XKR9: variants seen among roughly 807,000 people sequenced by gnomAD.
The protein encoded by XKR9 is XK-related protein 9.
In XKR9, 32 loss-of-function variants were observed where a neutral mutation model predicts 32.0. The observed-to-expected ratio is 1.00, with a 90% CI of 0.76 to 1.34. The LOEUF (loss-of-function observed/expected upper bound fraction) is 1.34. Among genes scored for constraint, XKR9 ranks in the 40% most tolerant of loss-of-function variants. The pLI, the probability that XKR9 is intolerant of heterozygous loss-of-function variation, is 0.00. For missense variants in XKR9, 546 were observed against 429.7 expected (o/e 1.27, Z -2.39); for synonymous variants, 168 against 143.4 (o/e 1.17, Z -1.22).
intron 2 of XKR9, among the ~76,000 whole-genome samples, chr8:70,748,821 A>C (rs975432718): frequency 1.3e-5 from 2 of 152,112 alleles, no homozygotes; most frequent in South Asian, 4.1e-4. Flanking sequence ...TGGACCAATC[A>C]GCATGCACTT....
chr8:70,977,056 G>A, the XKR9 span, among the ~76,000 whole-genome samples: 1 of 152,110 alleles, frequency 6.6e-6, no homozygotes, highest in African/African-American at 2.4e-5. Context: ...TGTGCGATTG[G>A]TTGTGAGAAC....
At chr8:70,832,893 T>G in the XKR9 span, among the ~76,000 whole-genome samples, 1 of 152,120 alleles carries the variant, frequency 6.6e-6, no homozygotes, top group Non-Finnish European at 1.5e-5. Context: ...AGACAACGTC[T>G]GTCTTTTCAC....
At chr8:70,673,931 CAT>C (rs561933103) in intron 1 of XKR9, among the ~76,000 whole-genome samples, 2 of 152,082 alleles carry the variant, frequency 1.3e-5, no homozygotes, top group Non-Finnish European at 2.9e-5. Flanking sequence ...ATGTTGTAGA[CAT>C]ATTGAGGGCA....
downstream of XKR9, among the ~76,000 whole-genome samples, chr8:70,738,305 C>A (rs900574834): frequency 4.9e-5 from 7 of 143,762 alleles, no homozygotes; most frequent in African/African-American, 1.8e-4. Context: ...TCTGTGGGAT[C>A]GGTGGTGATG....
chr8:70,796,063 T>C, the XKR9 span, among the ~76,000 whole-genome samples: 1 of 152,088 alleles, frequency 6.6e-6, no homozygotes, highest in Non-Finnish European at 1.5e-5. Context: ...TGATTTTTTT[T>C]TTTTTAGTTT....
the XKR9 span, among the ~76,000 whole-genome samples, chr8:70,871,754 T>A: frequency 1.3e-5 from 2 of 152,140 alleles, no homozygotes; most frequent in African/African-American, 2.4e-5. Context: ...AAAGGAAGAT[T>A]TGCATGTCTC....
chr8:70,794,081 A>G (rs375105202), downstream of XKR9, among the ~76,000 whole-genome samples: 3 of 152,080 alleles, frequency 2.0e-5, no homozygotes, highest in African/African-American at 7.2e-5. Flanking sequence ...CTTATGTTAA[A>G]TGACAACTTT....
the XKR9 span, among the ~76,000 whole-genome samples, chr8:71,046,018 A>G: frequency 6.6e-6 from 1 of 152,116 alleles, no homozygotes; most frequent in African/African-American, 2.4e-5. Context: ...AGAGCATAAA[A>G]CTAAAGAAGA....
At chr8:70,729,233 A>C (rs1806580132) in intron 4 of XKR9, among the ~76,000 whole-genome samples, 1 of 152,238 alleles carries the variant, frequency 6.6e-6, no homozygotes, top group South Asian at 2.1e-4. Context: ...GAGAATACTC[A>C]CAAGTAGTTT....
the XKR9 span, among the ~76,000 whole-genome samples, chr8:71,004,694 C>G: frequency 4.6e-5 from 7 of 152,202 alleles, no homozygotes; most frequent in East Asian, 1.4e-3. Context: ...GAAGCTTGAT[C>G]CAAGTAAACT....
At chr8:71,025,920 C>G in the XKR9 span, among the ~76,000 whole-genome samples, 5 of 152,160 alleles carry the variant, frequency 3.3e-5, no homozygotes, top group African/African-American at 4.8e-5. Context: ...CATTCCATAT[C>G]CTACATTTCT....
the XKR9 span, among the ~76,000 whole-genome samples, chr8:70,896,345 T>C: frequency 2.0e-5 from 3 of 152,286 alleles, no homozygotes; most frequent in African/African-American, 7.2e-5. Flanking sequence ...CTGGATTTTA[T>C]AGAAATATTT....
the XKR9 span, among the ~76,000 whole-genome samples, chr8:70,973,423 A>G: frequency 6.6e-6 from 1 of 151,576 alleles, no homozygotes; most frequent in African/African-American, 2.4e-5. Context: ...TTTTTGTTTC[A>G]TTTATCTTTT....
At chr8:70,966,953 T>C in the XKR9 span, among the ~76,000 whole-genome samples, 1 of 152,086 alleles carries the variant, frequency 6.6e-6, no homozygotes, top group Non-Finnish European at 1.5e-5. Flanking sequence ...CCAGTTTTTT[T>C]CTGTTTTCCA....
chr8:70,938,935 GA>G, the XKR9 span, among the ~76,000 whole-genome samples: 2 of 146,676 alleles, frequency 1.4e-5, no homozygotes, highest in East Asian at 2.0e-4. Flanking sequence ...CTCCTACCAG[GA>G]AAAAAAAAGA....
chr8:71,003,505 A>G, the XKR9 span, among the ~76,000 whole-genome samples: 2 of 151,806 alleles, frequency 1.3e-5, no homozygotes, highest in Admixed American at 6.6e-5. Flanking sequence ...CAAATTCTCT[A>G]GTAAAGTAAT....
intron 3 of XKR9, among the ~76,000 whole-genome samples, chr8:70,697,292 C>T (rs1200939470): frequency 6.6e-6 from 1 of 151,290 alleles, no homozygotes. Flanking sequence ...CCAGTTTTTG[C>T]CCATTCAGTA....
At chr8:70,978,729 G>T in the XKR9 span, among the ~76,000 whole-genome samples, 1 of 152,054 alleles carries the variant, frequency 6.6e-6, no homozygotes, top group Non-Finnish European at 1.5e-5. Context: ...TTGCTCTTCT[G>T]GAGGAGTATC....
At position 70,770,455 on chromosome 8, in the gene XKR9, G is replaced by A. The variant is rs533559693; in HGVS notation, n.353-18884G>A. 7.9e-5 allele frequency among the ~76,000 whole-genome samples: 12 copies of A among 152,340 alleles called. No homozygotes were observed. The East Asian group carries it at 2.1e-3, about 27-fold the overall frequency. On this transcript the variant is annotated intron_variant and non_coding_transcript_variant, in intron 2 of 3. Coordinates refer to the XKR9 transcript ENST00000520273. ...GCTTGAGCGCTGTGCTGGGAGATAT[G>A]CTGCTCTCTTCAGAGCCGGCAGGCA...
Sources: allele counts gnomAD v4.1 joint callset (sites outside exome capture counted in the v4.1 genomes callset), GRCh38; gene constraint gnomAD v4.1.1; transcripts MANE v1.5; gene names NCBI Gene and HGNC (gene_info 2026-07-23, HGNC 2026-07-21).